Variants in LIMS2 observed in about 807,000 individuals in gnomAD.
LIMS2 encodes LIM zinc finger domain containing 2.
In LIMS2, 30 loss-of-function variants were observed where a neutral mutation model predicts 45.3. The ratio of observed to expected loss-of-function variants is 0.66; its 90% confidence interval spans 0.50 to 0.90. LIMS2 has a LOEUF of 0.90. LIMS2 is among the 40% of genes least tolerant of loss of function. The probability of loss-of-function intolerance (pLI) is 0.00; values close to 1 mark genes in which losing one functional copy is unlikely to be tolerated. For synonymous variants in LIMS2, 173 were observed against 188.0 expected, an observed-to-expected ratio of 0.92 and a Z score of 0.65; for missense variants, 485 against 468.7, an observed-to-expected ratio of 1.03 and a Z score of -0.32.
chr2:127,659,448 G>A (rs1684473441), intron 1 of LIMS2, among the ~76,000 whole-genome samples: 1 of 152,134 alleles, frequency 6.6e-6, no homozygotes, highest in Admixed American at 6.5e-5. Flanking sequence ...GGCGAGCCAG[G>A]CAGGCCACCA....
intron 7 of LIMS2, 173 bp downstream of exon 7, chr2:127,640,721 AAG>A (rs1210344322): frequency 3.2e-6 from 2 of 627,606 alleles, no homozygotes; most frequent in Non-Finnish European, 5.7e-6. Flanking sequence ...ACTGAGACTG[AAG>A]AGAGCTGCCC....
chr2:127,654,449 G>C lies in LIMS2; in HGVS notation c.334C>G (p.Leu112Val), dbSNP rs1684103396. ...CTGCCGGCATTCTTCACAAAGCCCA[G>C]GTCAGCCAGCTCCACATCACACAGC... is the stretch of plus-strand genomic sequence containing the variant. ...CELCDVELAD[L>V]GFVKNAGRHL... Residue 112 changes from leucine to valine, a missense_variant, in exon 4 of 10, where the codon CTG (leucine) becomes GTG (valine). By Grantham distance (32) the Leu-to-Val change is conservative. Transcript: ENST00000355119. 2 of 1,614,150 alleles carry C rather than the reference G, an allele frequency of 1.2e-6. No homozygotes were observed. Among genetic ancestry groups the C allele is most frequent in the Non-Finnish European group, 1.7e-6 (2 of 1,180,008 alleles).
At position 127,667,790 on chromosome 2, in the gene LIMS2, G is replaced by C. The variant is rs1685082603; in HGVS notation, c.11+7224C>G. 6.6e-6 allele frequency among the ~76,000 whole-genome samples: 1 copy of C among 152,216 alleles called. No individual in the cohort carries two copies. The highest frequency in any genetic ancestry group is 1.5e-5 in the Non-Finnish European group (1 of 68,042). On this transcript the variant is annotated intron_variant, in intron 1 of 9. Transcript: ENST00000355119. This position sits in a 1 kb window ranked among gnomAD's most constrained non-coding sequence, Gnocchi z 4.1. ...CCTCCTAAGGTCAGGGGGATTTCCA[G>C]TCCGCTATTTGTTTTCAACATTGCA...
Position 127,653,797 on chromosome 2 carries a change from G to GGAA in LIMS2, c.359+624_359+626dup, listed in dbSNP as rs1488994052. Reference sequence around the variant, plus strand: ...CGGGTGTGCTGGGAGAAGCCGGGGAGGAAGGCCCAGCAGTGTTTTTAACCC... The same window carrying GGAA: ...CGGGTGTGCTGGGAGAAGCCGGGGAGGAAGAAGGCCCAGCAGTGTTTTTAACCC... On this transcript the variant is annotated intron_variant, in intron 4 of 9. Coordinates refer to ENST00000355119, the MANE Select transcript of LIMS2 (RefSeq NM_001161403.3). This position sits in a 1 kb window ranked among gnomAD's most constrained non-coding sequence, Gnocchi z 5.3. Among the ~76,000 whole-genome samples, 1 of 152,094 alleles carries GGAA rather than the reference G, an allele frequency of 6.6e-6. No homozygotes were observed. Among genetic ancestry groups the GGAA allele is most frequent in the East Asian group, 1.9e-4 (1 of 5,162 alleles).
intron 4 of LIMS2, chr2:127,650,923 G>A: frequency 6.2e-7 from 1 of 1,613,990 alleles, no homozygotes. Context: ...CACAAGTCCG[G>A]GACCCCGGCC....
chr2:127,674,655 A>G, intron 1 of LIMS2: 1 of 984,524 alleles, frequency 1.0e-6, no homozygotes, highest in Non-Finnish European at 1.2e-6. Flanking sequence ...GGCTCGGGGA[A>G]GTTGGGGGAG....
rs1204240613 is a variant in LIMS2, at chr2:127,671,257, C to A, written c.11+3757G>T. Among the ~76,000 whole-genome samples the A allele has an allele frequency of 1.3e-5, 2 of 152,064 alleles. No homozygotes were observed. Among genetic ancestry groups the A allele is most frequent in the Admixed American group, 1.3e-4 (2 of 15,278 alleles). On this transcript the variant is annotated intron_variant, in intron 1 of 9. Coordinates refer to ENST00000355119, the MANE Select transcript of LIMS2 (RefSeq NM_001161403.3). The surrounding 1 kb of genome is among the most constrained non-coding windows in gnomAD (Gnocchi z 4.1). The stretch of plus-strand genomic sequence containing the variant: ...CCACCATGGCCAACACGGTAAAACC[C>A]CATCTCCAATAAAAATACAAAAAAA...
At chr2:127,677,229 A>T (rs376347348), upstream of LIMS2, among the ~76,000 whole-genome samples, 95 of 152,358 alleles carry the variant, frequency 6.2e-4, 2 homozygotes, top group South Asian at 0.02. The surrounding 1 kb of genome is among the most constrained non-coding windows in gnomAD (Gnocchi z 5.0). Flanking sequence ...TTCCTTCAAG[A>T]GTATTTATAC....
At position 127,654,465 on chromosome 2, in the gene LIMS2, A is replaced by C. The variant is rs1684105206; in HGVS notation, c.318T>G (p.Asp106Glu). The C allele has an allele frequency of 1.2e-6, 2 of 1,614,030 alleles. No individual in the cohort carries two copies. Among genetic ancestry groups the C allele is most frequent in the African/African-American group, 2.7e-5 (2 of 74,932 alleles). Residue 106 changes from aspartate (D) to glutamate (E), a missense_variant, in exon 4 of 10, where the codon GAT becomes GAG. Asp to Glu is a conservative substitution (Grantham distance 45, BLOSUM62 2). Coordinates refer to ENST00000355119, the MANE Select transcript of LIMS2 (RefSeq NM_001161403.3). ...HPGCFRCELC[D>E]VELADLGFVK... The stretch of plus-strand genomic sequence containing the variant: ...CAAAGCCCAGGTCAGCCAGCTCCAC[A>C]TCACACAGCTCGCAGCGGAAGCAGC...
intron 4 of LIMS2, chr2:127,649,813 C>T: frequency 3.4e-6 from 2 of 583,648 alleles, no homozygotes; most frequent in South Asian, 2.1e-5. Context: ...GCCACGAGGC[C>T]TCCAGGCCTC....
In LIMS2 at chr2:127,647,711, AC is replaced by A. The variant is rs1683150905; in HGVS notation, c.360-4640del. ...CACACACCTTCCTCCTCTCCTGCCA[AC>A]CTGAAAACAGCACACCTGTGTGCCC... On this transcript the variant is annotated intron_variant, in intron 4 of 9. Coordinates refer to ENST00000355119, the MANE Select transcript of LIMS2 (RefSeq NM_001161403.3). This position sits in a 1 kb window ranked among gnomAD's most constrained non-coding sequence, Gnocchi z 4.3. Among the ~76,000 whole-genome samples the A allele has an allele frequency of 6.6e-6, 1 of 151,788 alleles. No individual in the cohort carries two copies. Among genetic ancestry groups the A allele is most frequent in the Non-Finnish European group, 1.5e-5 (1 of 67,906 alleles).
chr2:127,651,006 C>A, intron 4 of LIMS2: 1 of 1,613,840 alleles, frequency 6.2e-7, no homozygotes, highest in South Asian at 1.1e-5. Flanking sequence ...CCTGGTCTAC[C>A]ACTTCTCTGG....
intron 2 of LIMS2, among the ~76,000 whole-genome samples, chr2:127,656,853 A>G (rs1684292146): frequency 6.6e-6 from 1 of 152,018 alleles, no homozygotes; most frequent in African/African-American, 2.4e-5. Flanking sequence ...CCCTTTCCTC[A>G]GCTCCTGGCC....
In LIMS2 at chr2:127,647,884, G is replaced by T. The variant is rs6714357; in HGVS notation, c.360-4812C>A. 6.4e-3 allele frequency among the ~76,000 whole-genome samples: 966 copies of T among 152,068 alleles called. 13 individuals carry two copies. The highest frequency in any genetic ancestry group is 0.022 in the African/African-American group (928 of 41,468). On this transcript the variant is annotated intron_variant, in intron 4 of 9. Transcript: ENST00000355119. This position sits in a 1 kb window ranked among gnomAD's most constrained non-coding sequence, Gnocchi z 4.3. ...CCCCCTCCCCTGCCACCGTCCCACC[G>T]GTACCTGCTCCCTGTTCTCCCCTGC... is the stretch of plus-strand genomic sequence containing the variant.
upstream of LIMS2, among the ~76,000 whole-genome samples, chr2:127,678,663 TGTG>T (rs1194973650): frequency 2.0e-5 from 3 of 151,852 alleles, no homozygotes; most frequent in Admixed American, 6.6e-5. The surrounding 1 kb of genome is among the most constrained non-coding windows in gnomAD (Gnocchi z 5.3). Flanking sequence ...TCAGCACAGG[TGTG>T]GTGGTTGTGG....
intron 3 of LIMS2, 59 bp from the exon 4 acceptor site, chr2:127,654,603 C>T (rs200979288): frequency 8.5e-5 from 136 of 1,608,288 alleles, no homozygotes; most frequent in Admixed American, 1.3e-4. Flanking sequence ...TCTTCGGACC[C>T]TCCCAAGCCC....
intron 4 of LIMS2, among the ~76,000 whole-genome samples, chr2:127,645,137 G>A (rs1682828268): frequency 6.6e-6 from 1 of 152,198 alleles, no homozygotes; most frequent in African/African-American, 2.4e-5. Flanking sequence ...TCCTGGCTCT[G>A]TTGCTTCCTA....
At chr2:127,678,705 G>A (rs1399835279), upstream of LIMS2, among the ~76,000 whole-genome samples, 1 of 152,164 alleles carries the variant, frequency 6.6e-6, no homozygotes, top group Non-Finnish European at 1.5e-5. This position sits in a 1 kb window ranked among gnomAD's most constrained non-coding sequence, Gnocchi z 5.3. Flanking sequence ...AGGTGTGAAT[G>A]TACAGCCGTG....
intron 4 of LIMS2, chr2:127,649,846 C>G: frequency 1.6e-6 from 1 of 638,450 alleles, no homozygotes; most frequent in Non-Finnish European, 2.7e-6. Context: ...GATCCGTCCT[C>G]AACAGCGCTG....
Sources: allele counts gnomAD v4.1 joint callset (sites outside exome capture counted in the v4.1 genomes callset), GRCh38; gene constraint gnomAD v4.1.1; non-coding constraint Gnocchi (gnomAD v3.1); transcripts MANE v1.5; gene names NCBI Gene and HGNC (gene_info 2026-07-23, HGNC 2026-07-21).